The following TMEM131L variants were observed in gnomAD, a reference collection of about 807,000 sequenced individuals.
TMEM131L encodes transmembrane 131 like, also known as transmembrane protein 131-like.
Under a neutral mutation model 192.2 loss-of-function variants are expected in TMEM131L, and 54 were observed. That is an observed-to-expected ratio of 0.28 (90% confidence interval 0.23 to 0.35). The LOEUF (loss-of-function observed/expected upper bound fraction) is 0.35. TMEM131L is among the 10% of genes least tolerant of loss of function. TMEM131L has a pLI of 1.00. For synonymous variants in TMEM131L, 701 were observed against 704.9 expected, an observed-to-expected ratio of 0.99 and a Z score of 0.09; for missense variants, 1,888 against 1,972.9, an observed-to-expected ratio of 0.96 and a Z score of 0.82.
intron 26 of TMEM131L, among the ~76,000 whole-genome samples, chr4:153,616,681 T>C (rs1368697976): frequency 6.6e-6 from 1 of 152,212 alleles, no homozygotes; most frequent in Non-Finnish European, 1.5e-5. Context: ...ATAAACCACT[T>C]TTAACATTTT....
At chr4:153,470,749 A>T (rs796845459) in intron 2 of TMEM131L, among the ~76,000 whole-genome samples, 1 of 152,218 alleles carries the variant, frequency 6.6e-6, no homozygotes, top group African/African-American at 2.4e-5. Context: ...TGATCCACGC[A>T]TAGGTGATGT....
At chr4:153,520,718 G>A (rs984340887) in intron 3 of TMEM131L, among the ~76,000 whole-genome samples, 4 of 152,316 alleles carry the variant, frequency 2.6e-5, no homozygotes, top group Admixed American at 6.5e-5. Flanking sequence ...TAATAACTGA[G>A]CGGGTTTAGT....
intron 19 of TMEM131L, 40 bp downstream of exon 19, chr4:153,593,911 A>G: frequency 7.6e-7 from 1 of 1,317,634 alleles, no homozygotes; most frequent in Non-Finnish European, 1.1e-6. Flanking sequence ...AATGCCGACA[A>G]ACTAGACACA....
At chr4:153,576,675 TA>T (rs11313932) in intron 7 of TMEM131L, among the ~76,000 whole-genome samples, 20,702 of 141,134 alleles carry the variant, frequency 0.15, 1,907 homozygotes, top group African/African-American at 0.28. Flanking sequence ...GTAGATTTCT[TA>T]AAAAAAAAAA....
intron 24 of TMEM131L, 164 bp downstream of exon 24, chr4:153,603,616 G>A: frequency 1.0e-6 from 1 of 981,806 alleles, no homozygotes; most frequent in Non-Finnish European, 1.5e-6. Flanking sequence ...TTATGAGATA[G>A]TCTCCATGCA....
chr4:153,545,472 A>G (rs1250744261), intron 3 of TMEM131L, among the ~76,000 whole-genome samples: 2 of 151,946 alleles, frequency 1.3e-5, no homozygotes, highest in African/African-American at 4.8e-5. Flanking sequence ...TATTTTTAAT[A>G]GAGATGGGGT....
At chr4:153,565,931 T>C (rs1729156316) in intron 7 of TMEM131L, among the ~76,000 whole-genome samples, 1 of 152,208 alleles carries the variant, frequency 6.6e-6, no homozygotes, top group South Asian at 2.1e-4. Flanking sequence ...TGTATTGGAT[T>C]CAAGCCATTG....
chr4:153,557,375 G>A (rs1316326365), intron 6 of TMEM131L, among the ~76,000 whole-genome samples: 1 of 152,112 alleles, frequency 6.6e-6, no homozygotes, highest in African/African-American at 2.4e-5. Context: ...AATACAGAAG[G>A]CTTTCAAAAC....
At chr4:153,515,012 A>G (rs1703910379) in intron 3 of TMEM131L, among the ~76,000 whole-genome samples, 1 of 152,096 alleles carries the variant, frequency 6.6e-6, no homozygotes, top group African/African-American at 2.4e-5. Flanking sequence ...GGGTCTCCCC[A>G]TGTTGGCCAG....
chr4:153,492,261 A>G (rs1239475171), intron 3 of TMEM131L, among the ~76,000 whole-genome samples: 2 of 151,960 alleles, frequency 1.3e-5, no homozygotes, highest in Admixed American at 6.6e-5. Context: ...CAGTTCTCCC[A>G]TTTTGGCCTC....
At position 153,563,805 on chromosome 4, in the gene TMEM131L, G is replaced by A. The variant is rs146577569; in HGVS notation, c.660+5437G>A. Among the ~76,000 whole-genome samples the A allele has an allele frequency of 3.2e-3, 484 of 152,104 alleles. 6 individuals carry two copies. Among genetic ancestry groups the A allele is most frequent in the African/African-American group, 0.011 (453 of 41,496 alleles). The stretch of plus-strand genomic sequence containing the variant: ...TTGTGTGCAGCGTTGTGATATACAC[G>A]AACCACGTGTGGTATTTCTCTTCAC... On this transcript the variant is annotated intron_variant, in intron 7 of 34. Coordinates refer to ENST00000409959, the MANE Select transcript of TMEM131L (RefSeq NM_001131007.2).
intron 3 of TMEM131L, among the ~76,000 whole-genome samples, chr4:153,541,562 G>A (rs536727537): frequency 1.4e-3 from 206 of 152,322 alleles, no homozygotes; most frequent in South Asian, 6.2e-3. Flanking sequence ...ATTGGGAGGT[G>A]CCTGTGGGCC....
At chr4:153,546,342 TAA>T (rs1028838595) in intron 3 of TMEM131L, among the ~76,000 whole-genome samples, 4 of 152,030 alleles carry the variant, frequency 2.6e-5, no homozygotes, top group African/African-American at 9.7e-5. Flanking sequence ...TGGGGACTCC[TAA>T]GAGTAAAAGA....
chr4:153,619,265 G>A (rs1733217452), intron 26 of TMEM131L, among the ~76,000 whole-genome samples: 1 of 152,174 alleles, frequency 6.6e-6, no homozygotes, highest in Non-Finnish European at 1.5e-5. Context: ...GTGTCGACAA[G>A]CCTTTGCTGG....
At chr4:153,598,216 G>A (rs1049385331) in intron 20 of TMEM131L, among the ~76,000 whole-genome samples, 9 of 151,042 alleles carry the variant, frequency 6.0e-5, no homozygotes, top group Admixed American at 5.3e-4. Context: ...GTTAGTGTTT[G>A]TCTGTGTCCC....
At chr4:153,581,272 A>G (rs1391571852) in intron 8 of TMEM131L, 135 bp from the exon 9 acceptor site, 11 of 670,440 alleles carry the variant, frequency 1.6e-5, no homozygotes, top group African/African-American at 1.5e-4. Flanking sequence ...ATAAAATAAA[A>G]TAAAACACAA....
chr4:153,476,472 C>T (rs1383953479), intron 3 of TMEM131L, among the ~76,000 whole-genome samples: 3 of 151,972 alleles, frequency 2.0e-5, no homozygotes, highest in Non-Finnish European at 4.4e-5. Flanking sequence ...CTGAGGCAGG[C>T]GGATCACGAG....
chr4:153,605,234 C>A (rs1212007163), intron 25 of TMEM131L, among the ~76,000 whole-genome samples: 3 of 152,188 alleles, frequency 2.0e-5, no homozygotes, highest in Admixed American at 2.0e-4. Flanking sequence ...AGGAGGATGA[C>A]CTCCATTGGG....
chr4:153,488,941 A>G (rs1483006319), intron 3 of TMEM131L, among the ~76,000 whole-genome samples: 1 of 152,010 alleles, frequency 6.6e-6, no homozygotes, highest in Admixed American at 6.5e-5. Context: ...CCGTGCTTTC[A>G]CGTGGCTGTC....
Sources: allele counts gnomAD v4.1 joint callset (sites outside exome capture counted in the v4.1 genomes callset), GRCh38; gene constraint gnomAD v4.1.1; transcripts MANE v1.5; gene names NCBI Gene and HGNC (gene_info 2026-07-23, HGNC 2026-07-21).